CAPN3: variants seen among roughly 807,000 people sequenced by gnomAD.
CAPN3 encodes calpain 3, also known as calpain-3.
In CAPN3, 88 loss-of-function variants were observed where a neutral mutation model predicts 114.0. The ratio of observed to expected loss-of-function variants is 0.77; its 90% CI spans 0.65 to 0.92. CAPN3 has a LOEUF of 0.92. Among genes scored for constraint, CAPN3 ranks in the 40% least tolerant of loss-of-function variants. The pLI, the probability that CAPN3 is intolerant of heterozygous loss-of-function variation, is 0.00. For missense variants in CAPN3, 1,028 were observed against 1,069.0 expected, an observed-to-expected ratio of 0.96 and a Z score of 0.53; for synonymous variants, 386 against 382.9, an observed-to-expected ratio of 1.01 and a Z score of -0.09.
chr15:42,380,297 T>G (rs1377324971), intron 1 of CAPN3, among the ~76,000 whole-genome samples: 1 of 151,916 alleles, frequency 6.6e-6, no homozygotes, highest in Non-Finnish European at 1.5e-5. Context: ...TGCCCCTTTT[T>G]CTGGCTTCTC....
Position 42,359,603 on chromosome 15 carries a change from T to G in CAPN3, c.-203T>G. The G allele has an allele frequency of 5.6e-6, 8 of 1,427,160 alleles. No individual in the cohort carries two copies. Among genetic ancestry groups the G allele is most frequent in the Non-Finnish European group, 7.3e-6 (8 of 1,095,604 alleles). The allele number at this position is 1,427,160 out of a possible 1,614,324, so 88.4% of individuals were successfully genotyped here. ...AGCACTCATTTCTCAGGAGAACTTA[T>G]GGCTTCAGAATCACAGCTCGGTTTT... On this transcript the variant is annotated 5_prime_UTR_variant, in exon 1 of 24. It removes an upstream start codon present in the reference 5' UTR. Transcript: ENST00000397163.
At chr15:42,367,112 A>G (rs1009713877) in intron 1 of CAPN3, among the ~76,000 whole-genome samples, 5 of 152,144 alleles carry the variant, frequency 3.3e-5, no homozygotes, top group African/African-American at 1.2e-4. Context: ...GATTATAGGC[A>G]TGAGGCTCTG....
intron 18 of CAPN3, 21 bp from the exon 19 acceptor site, chr15:42,409,910 C>T (rs1300966603): frequency 6.2e-7 from 1 of 1,612,700 alleles, no homozygotes; most frequent in Non-Finnish European, 8.5e-7. Context: ...AGCAGCTCCT[C>T]ACTCTTCTCC....
chr15:42,368,880 T>C (rs919758338), intron 1 of CAPN3, among the ~76,000 whole-genome samples: 1 of 152,182 alleles, frequency 6.6e-6, no homozygotes, highest in Admixed American at 6.5e-5. Context: ...GGTGAAACCC[T>C]ATCTCTACCA....
At chr15:42,375,342 C>T (rs1566970692) in intron 1 of CAPN3, among the ~76,000 whole-genome samples, 1 of 151,384 alleles carries the variant, frequency 6.6e-6, no homozygotes, top group Non-Finnish European at 1.5e-5. Flanking sequence ...TCTGTTTAAA[C>T]AGAAAGGTCC....
In CAPN3 at chr15:42,369,935, C is replaced by T. The variant is rs563946608; in HGVS notation, c.309+9821C>T. On this transcript the variant is annotated intron_variant, in intron 1 of 23. Transcript: ENST00000397163. ...TTGCCCAGGCTGGAGTGCAATAGCG[C>T]GATCTTGGCTTACTGCAACATACAT... Among the ~76,000 whole-genome samples, 5 of 149,956 alleles carry T rather than the reference C, an allele frequency of 3.3e-5. No individual in the cohort carries two copies. In the South Asian group the frequency reaches 6.3e-4, roughly 19 times the overall value.
chr15:42,387,965 A>G lies in CAPN3; in HGVS notation c.632+79A>G. The G allele has an allele frequency of 1.9e-6, 3 of 1,562,812 alleles. No individual in the cohort carries two copies. The South Asian group carries it at 3.3e-5, about 17-fold the overall frequency. ...AAAATCCAGCCGAGACCTCACTCAC[A>G]GGAAGAGGCATGTGCCTCTATACGT... On this transcript the variant is annotated intron_variant, in intron 4 of 23. Coordinates refer to ENST00000397163, the MANE Select transcript of CAPN3 (RefSeq NM_000070.3).
At chr15:42,370,831 AG>A (rs1428631131) in intron 1 of CAPN3, among the ~76,000 whole-genome samples, 4 of 152,216 alleles carry the variant, frequency 2.6e-5, no homozygotes, top group Non-Finnish European at 5.9e-5. Context: ...AATTACTATT[AG>A]CATAGGCAGC....
At chr15:42,399,451 C>G in intron 9 of CAPN3, 41 bp from the exon 10 acceptor site, 1 of 1,532,072 alleles carries the variant, frequency 6.5e-7, no homozygotes, top group East Asian at 2.2e-5. Context: ...GCCCTCCTCA[C>G]CTGCTCCCAT....
At chr15:42,382,321 G>T (rs1483758977) in intron 1 of CAPN3, among the ~76,000 whole-genome samples, 3 of 151,854 alleles carry the variant, frequency 2.0e-5, no homozygotes, top group African/African-American at 7.2e-5. Context: ...TTAAATATGT[G>T]TTTTTATTTA....
intron 2 of CAPN3, among the ~76,000 whole-genome samples, 189 bp downstream of exon 2, chr15:42,384,741 T>G (rs1196535796): frequency 6.6e-6 from 1 of 152,148 alleles, no homozygotes; most frequent in Non-Finnish European, 1.5e-5. Flanking sequence ...CCTACATGCC[T>G]CTTTAGCACT....
chr15:42,374,706 G>A (rs2053040154), intron 1 of CAPN3, among the ~76,000 whole-genome samples: 2 of 151,570 alleles, frequency 1.3e-5, no homozygotes, highest in Admixed American at 1.3e-4. Flanking sequence ...TTCTATTCCT[G>A]AGCTAGAGAT....
At chr15:42,396,648 A>G in intron 8 of CAPN3, 152 bp from the exon 9 acceptor site, 1 of 670,540 alleles carries the variant, frequency 1.5e-6, no homozygotes, top group East Asian at 2.8e-5. Context: ...AGTCATTGCT[A>G]TTGGGTTTCA....
intron 7 of CAPN3, among the ~76,000 whole-genome samples, chr15:42,393,508 G>A (rs952145327): frequency 2.6e-5 from 4 of 152,128 alleles, no homozygotes; most frequent in Admixed American, 2.0e-4. Context: ...AGGGGCAGTT[G>A]CCTGCATCAC....
intron 4 of CAPN3, among the ~76,000 whole-genome samples, 171 bp from the exon 5 acceptor site, chr15:42,388,757 C>A (rs1161717935): frequency 1.3e-5 from 2 of 151,974 alleles, no homozygotes; most frequent in African/African-American, 4.8e-5. Flanking sequence ...TCAGTTTCTT[C>A]ATTATGAAGA....
At chr15:42,403,860 A>G in intron 14 of CAPN3, 83 bp downstream of exon 14, 1 of 1,219,056 alleles carries the variant, frequency 8.2e-7, no homozygotes, top group Non-Finnish European at 1.2e-6. Context: ...GCAGGGGAGA[A>G]TGGGCACTGG....
chr15:42,389,214 G>A, intron 5 of CAPN3, 118 bp downstream of exon 5: 2 of 924,454 alleles, frequency 2.2e-6, no homozygotes, highest in Non-Finnish European at 3.3e-6. Flanking sequence ...GTTTGAGGAA[G>A]CAGGAACTGG....
At chr15:42,391,271 G>A (rs1003148942) in intron 6 of CAPN3, among the ~76,000 whole-genome samples, 3 of 151,706 alleles carry the variant, frequency 2.0e-5, no homozygotes, top group African/African-American at 7.3e-5. Flanking sequence ...ATGCTATAAC[G>A]AACATCCCAA....
chr15:42,394,173 G>T (rs948659562), intron 7 of CAPN3, 83 bp from the exon 8 acceptor site: 1 of 1,284,646 alleles, frequency 7.8e-7, no homozygotes, highest in African/African-American at 1.5e-5. Context: ...TTGCCCCCCA[G>T]CCCCGTCCCA....
Sources: gnomAD v4.1 joint callset for allele counts (sites outside exome capture counted in the v4.1 genomes callset) on GRCh38, gnomAD v4.1.1 for gene constraint, MANE v1.5 for transcripts, NCBI Gene and HGNC (gene_info 2026-07-23, HGNC 2026-07-21) for gene names.